Variants in COL21A1 observed in about 807,000 individuals in gnomAD.
COL21A1 encodes the protein collagen type XXI alpha 1 chain, also known as collagen alpha-1(XXI) chain.
COL21A1 carries 149 observed loss-of-function variants against 137.9 expected under a neutral mutation model. The observed-to-expected ratio is 1.08, with a 90% CI of 0.95 to 1.24. The LOEUF (loss-of-function observed/expected upper bound fraction) is 1.24. COL21A1 is among the 50% of genes most tolerant of loss of function. The probability of loss-of-function intolerance (pLI) is 0.00; values close to 1 mark genes in which losing one functional copy is unlikely to be tolerated. For synonymous variants in COL21A1, 456 were observed against 391.5 expected (o/e 1.16, Z -1.95); for missense variants, 1,167 against 1,158.4 (o/e 1.01, Z -0.11).
chr6:56,063,229 TTA>T (rs1765962175), intron 24 of COL21A1, among the ~76,000 whole-genome samples: 1 of 152,082 alleles, frequency 6.6e-6, no homozygotes, highest in Admixed American at 6.6e-5. Context: ...TAGTGGAAAC[TTA>T]GAGAAAGTGT....
Position 56,154,107 on chromosome 6 carries a change from G to A in COL21A1, c.1434+2780C>T, listed in dbSNP as rs539095779. On this transcript the variant is annotated intron_variant, in intron 10 of 29. Transcript: ENST00000244728. ...GGGCTTTAAGAGGTAGTTAGGTCAT[G>A]GAGACACTTATTGTGGGAGTGGGTT... Among the ~76,000 whole-genome samples, 81 of 152,220 alleles carry A rather than the reference G, an allele frequency of 5.3e-4. No homozygotes were observed. In the South Asian group the frequency reaches 0.017, roughly 31 times the overall value.
At chr6:56,245,966 A>G (rs911436193) in intron 1 of COL21A1, among the ~76,000 whole-genome samples, 5 of 152,340 alleles carry the variant, frequency 3.3e-5, no homozygotes, top group African/African-American at 9.6e-5. Flanking sequence ...AGTCATGCCT[A>G]TTCTAGATTT....
At position 56,279,202 on chromosome 6, in the gene COL21A1, C is replaced by T. The variant is rs116487554; in HGVS notation, c.-38-96546G>A. 3.5e-3 allele frequency among the ~76,000 whole-genome samples: 540 copies of T among 152,242 alleles called. 4 individuals are homozygous for T. The highest frequency in any genetic ancestry group is 0.012 in the African/African-American group (516 of 41,530). On this transcript the variant is annotated intron_variant, in intron 1 of 28. Coordinates refer to the COL21A1 transcript ENST00000370819. Reference sequence around the variant, plus strand: ...CCACCTCACTCTTGTTCTTGCTGCACCTGCCATATTTGACACCTTGCTCCC... The same window carrying T: ...CCACCTCACTCTTGTTCTTGCTGCATCTGCCATATTTGACACCTTGCTCCC...
rs752844827 is a variant in COL21A1 at position 56,171,101 on chromosome 6, A to G, written c.668T>C (p.Val223Ala). The G allele has an allele frequency of 2.5e-6, 4 of 1,606,774 alleles. No homozygotes were observed. Among genetic ancestry groups the G allele is most frequent in the Non-Finnish European group, 3.4e-6 (4 of 1,177,102 alleles). Reference sequence around the variant, plus strand: ...AAATCCCCTTTCATCACGAGCTGCCACTGGAATTCGTGTTGGACAGACAGA... The same window carrying G: ...AAATCCCCTTTCATCACGAGCTGCCGCTGGAATTCGTGTTGGACAGACAGA... ...EESVCPTRIP[V>A]AARDERGFDI... Residue 223 changes from valine to alanine, a missense_variant, in exon 4 of 30, where the codon GTG becomes GCG. Physicochemically the swap from Val to Ala is moderately conservative, Grantham distance 64. Coordinates refer to ENST00000244728, the MANE Select transcript of COL21A1 (RefSeq NM_030820.4).
At chr6:56,362,901 C>A (rs1347851683) in intron 1 of COL21A1, among the ~76,000 whole-genome samples, 1 of 152,056 alleles carries the variant, frequency 6.6e-6, no homozygotes, top group African/African-American at 2.4e-5. Context: ...CAAACCCTAC[C>A]CCCCACGCCC....
intron 12 of COL21A1, among the ~76,000 whole-genome samples, chr6:56,138,971 T>G (rs1232053824): frequency 2.6e-5 from 4 of 152,020 alleles, no homozygotes; most frequent in Non-Finnish European, 4.4e-5. Flanking sequence ...TGGAAAAAGA[T>G]GGGATCCAGA....
intron 1 of COL21A1, among the ~76,000 whole-genome samples, chr6:56,226,894 AT>A (rs995429591): frequency 6.6e-6 from 1 of 152,004 alleles, no homozygotes; most frequent in Non-Finnish European, 1.5e-5. Flanking sequence ...CTTTCTTTGG[AT>A]TTTTTTTAAG....
chr6:56,188,536 G>A (rs1030981701), intron 1 of COL21A1, among the ~76,000 whole-genome samples: 2 of 152,196 alleles, frequency 1.3e-5, no homozygotes, highest in Non-Finnish European at 2.9e-5. Flanking sequence ...AGCACCTGGG[G>A]GAAGGGCAGC....
chr6:56,097,640 G>C (rs976453352), intron 17 of COL21A1, among the ~76,000 whole-genome samples: 2 of 149,798 alleles, frequency 1.3e-5, no homozygotes, highest in Non-Finnish European at 3.0e-5. Flanking sequence ...AATAAAGTGG[G>C]AGCAGGCAGG....
intron 1 of COL21A1, among the ~76,000 whole-genome samples, chr6:56,203,640 T>G (rs1471073998): frequency 6.6e-6 from 1 of 152,206 alleles, no homozygotes; most frequent in African/African-American, 2.4e-5. Flanking sequence ...TTCCATTGAC[T>G]AAAGACGAAG....
At chr6:56,063,740 C>T (rs1766007695) in intron 24 of COL21A1, among the ~76,000 whole-genome samples, 1 of 152,008 alleles carries the variant, frequency 6.6e-6, no homozygotes, top group African/African-American at 2.4e-5. Flanking sequence ...CACAGAGACC[C>T]CTGTCCTTGG....
chr6:56,142,088 A>G, intron 10 of COL21A1, 105 bp from the exon 11 acceptor site: 1 of 802,806 alleles, frequency 1.2e-6, no homozygotes, highest in Non-Finnish European at 1.9e-6. Context: ...CATGCCTAAA[A>G]CTTCACTTAG....
chr6:56,376,023 C>T (rs914662635), intron 1 of COL21A1, among the ~76,000 whole-genome samples: 3 of 152,064 alleles, frequency 2.0e-5, no homozygotes, highest in African/African-American at 4.8e-5. Flanking sequence ...AGAAGAGCTG[C>T]GGGTAGCTGA....
At chr6:56,257,166 A>T (rs371722163) in intron 1 of COL21A1, among the ~76,000 whole-genome samples, 2 of 152,330 alleles carry the variant, frequency 1.3e-5, no homozygotes, top group East Asian at 3.9e-4. Flanking sequence ...TGTGAATCTT[A>T]TTCCCCCAGA....
At chr6:56,155,551 A>G (rs1447558906) in intron 10 of COL21A1, among the ~76,000 whole-genome samples, 1 of 152,190 alleles carries the variant, frequency 6.6e-6, no homozygotes, top group Non-Finnish European at 1.5e-5. Context: ...AAATCTCAGG[A>G]AATGCTTCAT....
chr6:56,161,770 T>A (rs1776223470), intron 9 of COL21A1, among the ~76,000 whole-genome samples: 1 of 152,158 alleles, frequency 6.6e-6, no homozygotes, highest in South Asian at 2.1e-4. Context: ...TAAGTCTAAG[T>A]GTGGTGTACC....
chr6:56,081,234 CTTTTTCT>C (rs1021305740), intron 17 of COL21A1, among the ~76,000 whole-genome samples: 1 of 151,242 alleles, frequency 6.6e-6, no homozygotes, highest in African/African-American at 2.4e-5. Context: ...CATTGTAAGG[CTTTTTCT>C]TTTTTCTTTT....
intron 1 of COL21A1, among the ~76,000 whole-genome samples, chr6:56,229,210 G>C (rs1056418783): frequency 2.0e-5 from 3 of 151,722 alleles, no homozygotes; most frequent in African/African-American, 7.3e-5. Context: ...GAGAAACCCT[G>C]TCTCTACAAA....
At chr6:56,086,932 C>G (rs931529642) in intron 17 of COL21A1, among the ~76,000 whole-genome samples, 6 of 152,120 alleles carry the variant, frequency 3.9e-5, no homozygotes, top group African/African-American at 1.4e-4. Context: ...CTGTCTTCTT[C>G]CCATAGTCTG....
Sources: allele counts gnomAD v4.1 joint callset (sites outside exome capture counted in the v4.1 genomes callset), GRCh38; gene constraint gnomAD v4.1.1; transcripts MANE v1.5; gene names NCBI Gene and HGNC (gene_info 2026-07-23, HGNC 2026-07-21).